The following LDB2 variants were observed in gnomAD, a reference collection of about 807,000 sequenced individuals.
LDB2 encodes LIM domain-binding protein 2.
LDB2 carries 12 observed loss-of-function variants against 44.3 expected under a neutral mutation model. The observed-to-expected ratio is 0.27, with a 90% CI of 0.17 to 0.44. The LOEUF is 0.44. Among genes scored for constraint, LDB2 ranks in the 20% least tolerant of loss-of-function variants. LDB2 has a pLI of 1.00. For missense variants in LDB2, 344 were observed against 473.5 expected (o/e 0.73, Z 2.54); for synonymous variants, 164 against 174.8 (o/e 0.94, Z 0.49).
At chr4:16,651,407 A>G (rs1021709823) in intron 2 of LDB2, among the ~76,000 whole-genome samples, 7 of 152,200 alleles carry the variant, frequency 4.6e-5, no homozygotes, top group Admixed American at 1.3e-4. Context: ...GATTTTCCAT[A>G]AATATTTTCA....
intron 1 of LDB2, among the ~76,000 whole-genome samples, chr4:16,809,741 C>CA (rs5856387): frequency 2.8e-5 from 4 of 145,358 alleles, no homozygotes; most frequent in East Asian, 2.0e-4. Context: ...AACAAACAAA[C>CA]AAAAAAAAAA....
intron 1 of LDB2, among the ~76,000 whole-genome samples, chr4:16,894,153 C>G (rs1192713654): frequency 6.6e-6 from 1 of 152,114 alleles, no homozygotes; most frequent in Non-Finnish European, 1.5e-5. Flanking sequence ...TCCTATCTGA[C>G]TGTATTGTGT....
intron 1 of LDB2, among the ~76,000 whole-genome samples, chr4:16,816,308 A>T (rs1780885173): frequency 6.6e-6 from 1 of 152,148 alleles, no homozygotes; most frequent in South Asian, 2.1e-4. Flanking sequence ...CAATATATAA[A>T]CACATAGCAA....
intron 2 of LDB2, among the ~76,000 whole-genome samples, chr4:16,647,898 T>C (rs1004547693): frequency 6.6e-6 from 1 of 152,224 alleles, no homozygotes. Flanking sequence ...AGAGTATTTA[T>C]AACCAAAGTT....
At chr4:16,566,096 A>C (rs1030352458) in intron 5 of LDB2, among the ~76,000 whole-genome samples, 3 of 152,052 alleles carry the variant, frequency 2.0e-5, no homozygotes, top group Non-Finnish European at 4.4e-5. Context: ...ACATCATCAT[A>C]ATAGCAATTT....
At chr4:16,664,289 C>G (rs977864171) in intron 2 of LDB2, among the ~76,000 whole-genome samples, 2 of 152,220 alleles carry the variant, frequency 1.3e-5, no homozygotes, top group Non-Finnish European at 2.9e-5. Flanking sequence ...CTGGCCCTCA[C>G]TAGACACCTA....
intron 2 of LDB2, among the ~76,000 whole-genome samples, chr4:16,738,019 T>C (rs1286048022): frequency 6.6e-6 from 1 of 152,224 alleles, no homozygotes; most frequent in South Asian, 2.1e-4. Flanking sequence ...ATAGGTGTTA[T>C]TGAATTTAAT....
chr4:16,584,042 G>C (rs1715801956), intron 5 of LDB2, among the ~76,000 whole-genome samples: 1 of 152,182 alleles, frequency 6.6e-6, no homozygotes, highest in Non-Finnish European at 1.5e-5. Flanking sequence ...GCACAAGTCA[G>C]GAAATAAAGT....
chr4:16,824,272 T>C lies in LDB2; in HGVS notation c.133-65012A>G, dbSNP rs566527292. ...AAATGTGCTTTCATACAAAGCAGAATAGTACAAGTTAAATATCACTAGCTT... is the reference window on the plus strand; with the variant it reads ...AAATGTGCTTTCATACAAAGCAGAACAGTACAAGTTAAATATCACTAGCTT... On this transcript the variant is annotated intron_variant, in intron 1 of 7. Transcript: ENST00000304523. 2.6e-5 allele frequency among the ~76,000 whole-genome samples: 4 copies of C among 152,300 alleles called. No individual in the cohort carries two copies. In the South Asian group the frequency reaches 6.2e-4, roughly 24 times the overall value.
chr4:16,515,829 A>ATTAT (rs138329564), intron 5 of LDB2, among the ~76,000 whole-genome samples: 22 of 150,096 alleles, frequency 1.5e-4, no homozygotes, highest in African/African-American at 1.2e-4. Flanking sequence ...CTAGGTATGG[A>ATTAT]TTATTTATTT....
intron 2 of LDB2, among the ~76,000 whole-genome samples, chr4:16,667,406 C>A (rs897084263): frequency 8.5e-5 from 13 of 152,158 alleles, no homozygotes; most frequent in Admixed American, 8.5e-4. Context: ...GTGCCATTAT[C>A]ATTTTCATTT....
chr4:16,628,505 G>T (rs1033204203), intron 2 of LDB2, among the ~76,000 whole-genome samples: 1 of 152,002 alleles, frequency 6.6e-6, no homozygotes, highest in Non-Finnish European at 1.5e-5. Context: ...GGTAACTTTT[G>T]GGAAAGACCC....
chr4:16,693,572 G>A (rs1751377183), intron 2 of LDB2, among the ~76,000 whole-genome samples: 1 of 152,086 alleles, frequency 6.6e-6, no homozygotes, highest in Non-Finnish European at 1.5e-5. Context: ...GGCCAGGCTG[G>A]TCTTGAACTC....
chr4:16,583,726 G>A (rs1560543889), intron 5 of LDB2, among the ~76,000 whole-genome samples: 1 of 152,204 alleles, frequency 6.6e-6, no homozygotes, highest in Non-Finnish European at 1.5e-5. Flanking sequence ...GCTCAGCCAT[G>A]ACCTGTCAAG....
At chr4:16,596,773 ATT>A (rs1348244212) in intron 2 of LDB2, among the ~76,000 whole-genome samples, 1 of 152,128 alleles carries the variant, frequency 6.6e-6, no homozygotes, top group Non-Finnish European at 1.5e-5. Flanking sequence ...AGTTTCAGCG[ATT>A]GTGTAAGTAG....
chr4:16,849,617 C>T (rs1279390515), intron 1 of LDB2, among the ~76,000 whole-genome samples: 4 of 152,208 alleles, frequency 2.6e-5, no homozygotes, highest in African/African-American at 4.8e-5. Flanking sequence ...GATGTATTAA[C>T]TCTTTGGGAG....
At chr4:16,768,567 C>A (rs1313438871) in intron 1 of LDB2, among the ~76,000 whole-genome samples, 1 of 152,144 alleles carries the variant, frequency 6.6e-6, no homozygotes, top group Non-Finnish European at 1.5e-5. Context: ...AATCCCAAAT[C>A]TCATGCCTTC....
At chr4:16,679,216 A>C (rs1195535476) in intron 2 of LDB2, among the ~76,000 whole-genome samples, 2 of 152,172 alleles carry the variant, frequency 1.3e-5, no homozygotes, top group African/African-American at 2.4e-5. Context: ...TATCAGAGTG[A>C]CTGTAATGAA....
chr4:16,768,669 C>T (rs900143268), intron 1 of LDB2, among the ~76,000 whole-genome samples: 24 of 152,168 alleles, frequency 1.6e-4, no homozygotes, highest in Non-Finnish European at 1.5e-5. Flanking sequence ...ATTCCTTAAT[C>T]ACAAGCCACC....
Sources: allele counts gnomAD v4.1 joint callset (sites outside exome capture counted in the v4.1 genomes callset), GRCh38; gene constraint gnomAD v4.1.1; transcripts MANE v1.5; gene names NCBI Gene and HGNC (gene_info 2026-07-23, HGNC 2026-07-21).